The following OAS2 variants were observed in gnomAD, a reference collection of about 807,000 sequenced individuals.
OAS2 encodes the protein 2'-5'-oligoadenylate synthase 2.
A neutral mutation model predicts 71.3 loss-of-function variants in OAS2; 67 were observed. The observed-to-expected ratio is 0.94, with a 90% CI of 0.77 to 1.15. OAS2 has a LOEUF of 1.15. OAS2 is among the 50% of genes most tolerant of loss of function. OAS2 has a pLI of 0.00. For missense variants in OAS2, 789 were observed against 822.5 expected (o/e 0.96, Z 0.50); for synonymous variants, 327 against 321.8 (o/e 1.02, Z -0.17).
chr12:113,006,669 G>A, intron 8 of OAS2, 69 bp downstream of exon 8: 1 of 1,348,990 alleles, frequency 7.4e-7, no homozygotes, highest in Non-Finnish European at 1.0e-6. Flanking sequence ...ATTAAGCCCT[G>A]TTGCCCACAA....
intron 8 of OAS2, 118 bp downstream of exon 8, chr12:113,006,718 C>T: frequency 1.2e-6 from 1 of 818,258 alleles, no homozygotes; most frequent in East Asian, 2.5e-5. Context: ...GGAGAATCTG[C>T]CCACTGGATA....
At chr12:112,999,571 T>C (rs1389357348) in intron 5 of OAS2, among the ~76,000 whole-genome samples, 1 of 152,080 alleles carries the variant, frequency 6.6e-6, no homozygotes, top group South Asian at 2.1e-4. Context: ...TTCACAGAGG[T>C]TGGGGAGTCT....
intron 3 of OAS2, among the ~76,000 whole-genome samples, chr12:112,996,531 C>A (rs1006620737): frequency 2.6e-4 from 40 of 152,062 alleles, no homozygotes; most frequent in Non-Finnish European, 4.1e-4. Context: ...GATCTGCCCA[C>A]CCAGCGCAGC....
At chr12:112,988,762 C>T (rs770243736) in intron 2 of OAS2, 133 of 981,730 alleles carry the variant, frequency 1.4e-4, no homozygotes, top group Non-Finnish European at 1.6e-4. Flanking sequence ...GATGCCCTAC[C>T]CTGTAACAAA....
chr12:113,000,272 T>C (rs1218311641), intron 5 of OAS2, among the ~76,000 whole-genome samples: 2 of 152,226 alleles, frequency 1.3e-5, no homozygotes, highest in African/African-American at 4.8e-5. Flanking sequence ...AGGACATTCT[T>C]TTCCAACCCA....
intron 7 of OAS2, among the ~76,000 whole-genome samples, chr12:113,006,033 G>A (rs2044332263): frequency 6.7e-6 from 1 of 149,682 alleles, no homozygotes; most frequent in African/African-American, 2.5e-5. Flanking sequence ...ATCTTTCTGT[G>A]ATCATGAAAA....
intron 5 of OAS2, among the ~76,000 whole-genome samples, chr12:113,001,439 CACATATAT>C (rs1233710193): frequency 1.4e-5 from 1 of 73,084 alleles, no homozygotes; most frequent in Non-Finnish European, 3.4e-5. Context: ...CATATATATA[CACATATAT>C]ACATATATAC....
Position 112,995,326 on chromosome 12 carries a change from A to G in OAS2, c.479A>G (p.Tyr160Cys). Reference sequence around the variant, plus strand: ...AATGATAATCCCAGCCCCTGGATCTATCGAGAGCTCAAAAGATCCTTGGAT... The same window carrying G: ...AATGATAATCCCAGCCCCTGGATCTGTCGAGAGCTCAAAAGATCCTTGGAT... ...SLNDNPSPWI[Y>C]RELKRSLDKT... Residue 160 changes from tyrosine to cysteine, a missense_variant, in exon 3 of 10, where the codon TAT becomes TGT. Coordinates refer to ENST00000392583, the MANE Select transcript of OAS2 (RefSeq NM_002535.3). 1 of 1,613,844 alleles carries G rather than the reference A, an allele frequency of 6.2e-7. No homozygotes were observed. Among genetic ancestry groups the G allele is most frequent in the African/African-American group, 1.3e-5 (1 of 75,036 alleles).
intron 7 of OAS2, among the ~76,000 whole-genome samples, chr12:113,006,159 T>A (rs111429571): frequency 4.6e-5 from 7 of 152,314 alleles, no homozygotes; most frequent in African/African-American, 1.7e-4. Context: ...ATGGCCACAT[T>A]GCTGGTGGCT....
intron 2 of OAS2, chr12:112,988,550 T>A: frequency 9.8e-6 from 9 of 915,698 alleles, no homozygotes; most frequent in Non-Finnish European, 1.2e-5. Flanking sequence ...TAGGTTATAG[T>A]TCACCATGTA....
intron 6 of OAS2, among the ~76,000 whole-genome samples, chr12:113,004,589 C>T (rs1010095648): frequency 1.3e-5 from 2 of 152,172 alleles, no homozygotes; most frequent in African/African-American, 4.8e-5. Flanking sequence ...TTATTGCATT[C>T]CGCTCGATTT....
intron 1 of OAS2, among the ~76,000 whole-genome samples, chr12:112,984,933 T>C (rs1173504225): frequency 6.9e-6 from 1 of 144,182 alleles, no homozygotes; most frequent in Non-Finnish European, 1.5e-5. Flanking sequence ...TATCGTATTC[T>C]TGTCTGAAAG....
Position 113,004,816 on chromosome 12 carries a change from CT to C in OAS2, c.1180-117del, listed in dbSNP as rs149388267. The C allele has an allele frequency of 1.3e-3, 1,224 of 938,238 alleles. 12 individuals are homozygous for C. The African/African-American group carries it at 0.018, about 14-fold the overall frequency. The allele number at this position is 938,238 out of a possible 1,614,324, so 58.1% of individuals were successfully genotyped here. ...CTTTGGACTCAGCCCTCACTGAACC[CT>C]AACGCAGAACTTGGCCTTGGAAACA... On this transcript the variant is annotated intron_variant, in intron 6 of 9. Transcript: ENST00000392583.
intron 2 of OAS2, among the ~76,000 whole-genome samples, chr12:112,991,398 G>A (rs184029279): frequency 2.5e-4 from 38 of 152,366 alleles, no homozygotes; most frequent in Admixed American, 1.2e-3. Flanking sequence ...ATGCGCACCC[G>A]TAACACAGCC....
In OAS2 at chr12:112,997,558, G is replaced by A. The variant is rs368845279; in HGVS notation, c.666G>A (p.Pro222=). 1.7e-5 allele frequency: 27 copies of A among 1,613,886 alleles called. No homozygotes were observed. Among genetic ancestry groups the A allele is most frequent in the African/African-American group, 1.3e-4 (10 of 74,910 alleles). The part of the protein sequence containing the change: ...KKIKDLPSLS[P]YALELLTVYA... Reference sequence around the variant, plus strand: ...TCAAGGATTTACCCTCGCTGTCTCCGTATGCCCTGGAGCTGCTTACGGTGT... The same window carrying A: ...TCAAGGATTTACCCTCGCTGTCTCCATATGCCCTGGAGCTGCTTACGGTGT... The change falls in exon 4 of 10, where the codon CCG becomes CCA. Residue 222 remains proline, a synonymous_variant. Coordinates refer to ENST00000392583, the MANE Select transcript of OAS2 (RefSeq NM_002535.3).
intron 1 of OAS2, among the ~76,000 whole-genome samples, chr12:112,983,155 A>G (rs1341050940): frequency 6.6e-6 from 1 of 151,814 alleles, no homozygotes; most frequent in Non-Finnish European, 1.5e-5. Flanking sequence ...TTTAGCCTCT[A>G]TTATGTTTAG....
Position 113,009,628 on chromosome 12 carries a change from C to A in OAS2, c.*373C>A. 1.0e-6 allele frequency: 1 copy of A among 996,754 alleles called. No individual in the cohort carries two copies. Among genetic ancestry groups the A allele is most frequent in the Non-Finnish European group, 1.2e-6 (1 of 837,868 alleles). The allele number at this position is 996,754 out of a possible 1,614,324, so 61.7% of individuals were successfully genotyped here. On this transcript the variant is annotated 3_prime_UTR_variant, in exon 10 of 10. Transcript: ENST00000392583. The stretch of plus-strand genomic sequence containing the variant: ...TGAGTACTTATGGCCCTGAAAGCGG[C>A]CACGGTGCCTCCAGATGGCAGGTTT...
At chr12:112,993,929 GTT>G (rs1351226641) in intron 2 of OAS2, among the ~76,000 whole-genome samples, 2 of 145,540 alleles carry the variant, frequency 1.4e-5, no homozygotes, top group African/African-American at 5.2e-5. Flanking sequence ...TTTTTTGTTT[GTT>G]TTTGTTTCTA....
intron 1 of OAS2, among the ~76,000 whole-genome samples, chr12:112,982,775 T>C (rs1047884201): frequency 6.6e-6 from 1 of 152,216 alleles, no homozygotes; most frequent in African/African-American, 2.4e-5. Context: ...ATAAGTTTGG[T>C]AGAGTTCAGC....
Sources: allele counts gnomAD v4.1 joint callset (sites outside exome capture counted in the v4.1 genomes callset), GRCh38; gene constraint gnomAD v4.1.1; transcripts MANE v1.5; gene names NCBI Gene and HGNC (gene_info 2026-07-23, HGNC 2026-07-21).